The following C10orf90 variants were observed in gnomAD, a reference collection of about 807,000 sequenced individuals.
C10orf90 encodes the protein chromosome 10 open reading frame 90, also known as (E2-independent) E3 ubiquitin-conjugating enzyme FATS.
A neutral mutation model predicts 62.5 loss-of-function variants in C10orf90; 56 were observed. The ratio of observed to expected loss-of-function variants is 0.90; its 90% confidence interval spans 0.72 to 1.12. The LOEUF is 1.12. Among genes scored for constraint, C10orf90 ranks in the 50% most tolerant of loss-of-function variants. The pLI, the probability that C10orf90 is intolerant of heterozygous loss-of-function variation, is 0.00. For missense variants in C10orf90, 970 were observed against 880.4 expected (o/e 1.10, Z -1.29); for synonymous variants, 386 against 340.4 (o/e 1.13, Z -1.47).
intron 2 of C10orf90, among the ~76,000 whole-genome samples, chr10:126,582,271 A>C (rs376605771): frequency 6.6e-6 from 1 of 152,166 alleles, no homozygotes. Context: ...CCTTTAAAGA[A>C]TAGGACTGCA....
At chr10:126,490,061 A>AAT (rs1491305458) in intron 4 of C10orf90, among the ~76,000 whole-genome samples, 1 of 118,852 alleles carries the variant, frequency 8.4e-6, no homozygotes, top group Non-Finnish European at 1.7e-5. Context: ...TATGTTATAT[A>AAT]ATATATAATA....
intron 2 of C10orf90, among the ~76,000 whole-genome samples, chr10:126,578,169 T>C (rs1366188963): frequency 2.0e-5 from 3 of 152,084 alleles, no homozygotes; most frequent in Non-Finnish European, 1.5e-5. Flanking sequence ...GAGCTGTTCA[T>C]GAAAAGACAC....
chr10:126,505,027 A>G lies in C10orf90; in HGVS notation c.464T>C (p.Ile155Thr), dbSNP rs1345278424. ...GTTTTCTCTTGACTTATTCTCATCA[A>G]TCATCTGGGAGATGACTATGGATGA... ...MISSIVISQM[I>T]DENKSRENRA... The change falls in exon 4 of 10, where the codon ATT (isoleucine) becomes ACT (threonine). Residue 155 changes from isoleucine (I) to threonine (T), a missense_variant. Ile to Thr is a moderately conservative substitution (Grantham distance 89). Transcript: ENST00000488181. 1.9e-6 allele frequency: 3 copies of G among 1,613,982 alleles called. No homozygotes were observed. The highest frequency in any genetic ancestry group is 1.1e-5 in the South Asian group (1 of 91,034).
chr10:126,605,410 T>C (rs1420853267), intron 2 of C10orf90, among the ~76,000 whole-genome samples: 1 of 151,976 alleles, frequency 6.6e-6, no homozygotes, highest in Non-Finnish European at 1.5e-5. Context: ...AAAGGAGACT[T>C]AGTTTCCCTC....
chr10:126,589,043 A>G (rs1369126818), intron 2 of C10orf90, among the ~76,000 whole-genome samples: 2 of 152,210 alleles, frequency 1.3e-5, no homozygotes, highest in Admixed American at 6.5e-5. Context: ...AACACAACAC[A>G]AGAAATTCAC....
chr10:126,496,831 CA>C, intron 4 of C10orf90: 1 of 480,846 alleles, frequency 2.1e-6, no homozygotes, highest in Non-Finnish European at 2.7e-6. Flanking sequence ...ACCCAGCCCA[CA>C]GGTCGAGGGC....
At chr10:126,601,237 C>T (rs1157946327) in intron 2 of C10orf90, among the ~76,000 whole-genome samples, 3 of 152,138 alleles carry the variant, frequency 2.0e-5, no homozygotes. Flanking sequence ...TACAAACCAG[C>T]ACATGTGTGG....
rs1858421675 is a variant in C10orf90, at chr10:126,442,488, T to TATATATATATATATATATATATATAC, written c.2189-12639_2189-12638insGTATATATATATATATATATATATAT. Among the ~76,000 whole-genome samples the TATATATATATATATATATATATATAC allele has an allele frequency of 4.0e-5, 4 of 100,884 alleles. 1 individual carries two copies. The highest frequency in any genetic ancestry group is 5.9e-5 in the Non-Finnish European group (3 of 51,054). 66.2% of individuals were successfully genotyped at this position (100,884 alleles called of 152,430 possible). A position where few individuals can be genotyped will look rare whatever the true frequency, so the allele number is the denominator to read the frequency against. On this transcript the variant is annotated intron_variant, in intron 7 of 9. Transcript: ENST00000488181. ...GGAACTTCAATATTTCATATATATA[T>TATATATATATATATATATATATATAC]ATATATATATATATATATATCTGTT... is the stretch of plus-strand genomic sequence containing the variant.
At chr10:126,573,236 A>C (rs1187119540) in intron 2 of C10orf90, among the ~76,000 whole-genome samples, 5 of 152,110 alleles carry the variant, frequency 3.3e-5, no homozygotes, top group Non-Finnish European at 7.4e-5. Context: ...GGCTGCATGC[A>C]CCTGCACTGG....
chr10:126,591,328 C>T (rs926309716), intron 2 of C10orf90, among the ~76,000 whole-genome samples: 9 of 152,142 alleles, frequency 5.9e-5, no homozygotes, highest in Non-Finnish European at 8.8e-5. Context: ...TCCAGCAGCA[C>T]GTCAAAAAGC....
intron 4 of C10orf90, among the ~76,000 whole-genome samples, chr10:126,470,776 G>A (rs1429331572): frequency 6.6e-6 from 1 of 150,424 alleles, no homozygotes; most frequent in East Asian, 1.9e-4. Context: ...CAGAAAGGAA[G>A]AAGAAAAAGA....
At chr10:126,469,404 C>T (rs1206621024) in intron 4 of C10orf90, among the ~76,000 whole-genome samples, 1 of 152,124 alleles carries the variant, frequency 6.6e-6, no homozygotes, top group Non-Finnish European at 1.5e-5. Flanking sequence ...ACCACTCAAC[C>T]AAAAAGACCT....
rs771131422 is a variant in C10orf90, at chr10:126,513,852, G to A, written c.401C>T (p.Thr134Ile). The change falls in exon 3 of 10, where the codon ACC (threonine) becomes ATC (isoleucine). Residue 134 changes from threonine to isoleucine, a missense_variant. Thr to Ile is a moderately conservative substitution (Grantham distance 89, BLOSUM62 -1). Transcript: ENST00000488181. ...SDVTEAKSDF[T>I]KETLASQNTK... ...GAAGTTAGAAATGTATGTTACCTTG[G>A]TGAAGTCAGATTTTGCCTCTGTGAC... The A allele has an allele frequency of 1.3e-6, 2 of 1,598,360 alleles. No individual in the cohort carries two copies. Among genetic ancestry groups the A allele is most frequent in the Non-Finnish European group, 1.7e-6 (2 of 1,166,160 alleles).
At chr10:126,529,047 C>T (rs992989465) in intron 2 of C10orf90, among the ~76,000 whole-genome samples, 3 of 152,154 alleles carry the variant, frequency 2.0e-5, no homozygotes, top group African/African-American at 4.8e-5. Flanking sequence ...CAAAAAGAGA[C>T]CCTCACATAT....
At chr10:126,503,059 C>T (rs367570719) in intron 4 of C10orf90, among the ~76,000 whole-genome samples, 1 of 152,168 alleles carries the variant, frequency 6.6e-6, no homozygotes, top group African/African-American at 2.4e-5. Flanking sequence ...GCATATCCTG[C>T]ATTTTCAATT....
chr10:126,517,752 A>C (rs1234804754), intron 2 of C10orf90, among the ~76,000 whole-genome samples: 2 of 152,128 alleles, frequency 1.3e-5, no homozygotes, highest in Non-Finnish European at 2.9e-5. Context: ...TCTACTAAAA[A>C]TACAAAAATT....
intron 2 of C10orf90, among the ~76,000 whole-genome samples, chr10:126,604,380 T>C (rs2134045612): frequency 6.6e-6 from 1 of 152,342 alleles, no homozygotes. Flanking sequence ...CTATCTTGAT[T>C]CCTCATTTTC....
intron 2 of C10orf90, among the ~76,000 whole-genome samples, chr10:126,533,059 A>C (rs1169621301): frequency 1.3e-5 from 2 of 150,750 alleles, no homozygotes; most frequent in South Asian, 2.1e-4. Flanking sequence ...CAGCCTCCGG[A>C]GTAGCTGGGA....
chr10:126,583,101 A>G (rs1437439587), intron 2 of C10orf90, among the ~76,000 whole-genome samples: 1 of 152,186 alleles, frequency 6.6e-6, no homozygotes, highest in Non-Finnish European at 1.5e-5. Context: ...AGTTATGACA[A>G]CCAAAGATGT....
Sources: gnomAD v4.1 joint callset for allele counts (sites outside exome capture counted in the v4.1 genomes callset) on GRCh38, gnomAD v4.1.1 for gene constraint, MANE v1.5 for transcripts, NCBI Gene and HGNC (gene_info 2026-07-23, HGNC 2026-07-21) for gene names.